The following TP53BP2 variants were observed in gnomAD, a reference collection of about 807,000 sequenced individuals.
TP53BP2 encodes tumor protein p53 binding protein 2.
TP53BP2 carries 62 observed loss-of-function variants against 126.2 expected under a neutral mutation model. That is an observed-to-expected ratio of 0.49 (90% confidence interval 0.40 to 0.61). The LOEUF (loss-of-function observed/expected upper bound fraction) is 0.61, where lower values mean the gene tolerates loss of function less well. Among genes scored for constraint, TP53BP2 ranks in the 20% least tolerant of loss-of-function variants. The probability of loss-of-function intolerance (pLI) is 0.00; values close to 1 mark genes in which losing one functional copy is unlikely to be tolerated. For missense variants in TP53BP2, 1,215 were observed against 1,402.8 expected (o/e 0.87, Z 2.14); for synonymous variants, 485 against 502.9 (o/e 0.96, Z 0.48).
At chr1:223,836,130 G>T (rs185157764) in intron 1 of TP53BP2, among the ~76,000 whole-genome samples, 1 of 152,164 alleles carries the variant, frequency 6.6e-6, no homozygotes, top group African/African-American at 2.4e-5. Context: ...ACAAAGAAGA[G>T]ATGGGTCAAT....
intron 4 of TP53BP2, among the ~76,000 whole-genome samples, chr1:223,807,438 G>A (rs1382956625): frequency 6.6e-6 from 1 of 152,002 alleles, no homozygotes; most frequent in Non-Finnish European, 1.5e-5. Flanking sequence ...ATTCAACATT[G>A]TCCTAGAGGT....
At chr1:223,839,179 G>A (rs1664022025) in intron 1 of TP53BP2, among the ~76,000 whole-genome samples, 1 of 152,202 alleles carries the variant, frequency 6.6e-6, no homozygotes, top group Non-Finnish European at 1.5e-5. Context: ...ATCTTGAACA[G>A]AGTATGTGTT....
Position 223,845,753 on chromosome 1 carries a change from A to T in TP53BP2, c.-73T>A. The T allele has an allele frequency of 7.1e-7, 1 of 1,408,928 alleles. No individual in the cohort carries two copies. Among genetic ancestry groups the T allele is most frequent in the South Asian group, 1.5e-5 (1 of 68,352 alleles). The allele number at this position is 1,408,928 out of a possible 1,614,324, so 87.3% of individuals were successfully genotyped here. Reference sequence around the variant, plus strand: ...GAGGGTCGCGGATGCGGGGGAGGGGAGCGGAGAGCGAGGCCGCCCGGACCT... The same window carrying T: ...GAGGGTCGCGGATGCGGGGGAGGGGTGCGGAGAGCGAGGCCGCCCGGACCT... On this transcript the variant is annotated 5_prime_UTR_variant, in exon 1 of 18. Transcript: ENST00000343537.
At chr1:223,845,554 C>A in intron 1 of TP53BP2, 100 bp downstream of exon 1, 1 of 1,317,208 alleles carries the variant, frequency 7.6e-7, no homozygotes. Context: ...GGCTGCGGCC[C>A]CCAGGCTCCT....
chr1:223,801,454 T>A (rs1044173088), intron 9 of TP53BP2, among the ~76,000 whole-genome samples: 1 of 152,210 alleles, frequency 6.6e-6, no homozygotes, highest in Non-Finnish European at 1.5e-5. Context: ...GGCTATTACT[T>A]CTTCTGTCCA....
intron 17 of TP53BP2, among the ~76,000 whole-genome samples, chr1:223,783,075 A>T (rs921361088): frequency 6.6e-6 from 1 of 152,214 alleles, no homozygotes; most frequent in African/African-American, 2.4e-5. Flanking sequence ...TAGGCAGTGG[A>T]TCACTCACAG....
chr1:223,801,655 T>C (rs547682851), intron 9 of TP53BP2, among the ~76,000 whole-genome samples: 2 of 152,232 alleles, frequency 1.3e-5, no homozygotes, highest in African/African-American at 4.8e-5. Flanking sequence ...ATATGTTTAA[T>C]GTTATTCTAA....
chr1:223,845,059 C>T (rs949437042), intron 1 of TP53BP2, among the ~76,000 whole-genome samples: 3 of 152,180 alleles, frequency 2.0e-5, no homozygotes, highest in Admixed American at 6.5e-5. Context: ...TAATCCTCTC[C>T]GGAGGTCTTG....
intron 4 of TP53BP2, among the ~76,000 whole-genome samples, chr1:223,809,027 G>A (rs1290162810): frequency 2.0e-5 from 3 of 151,964 alleles, no homozygotes; most frequent in East Asian, 1.9e-4. Flanking sequence ...TAATATGATC[G>A]CTTTGGAAAC....
At chr1:223,828,256 G>A (rs1663570039) in intron 1 of TP53BP2, among the ~76,000 whole-genome samples, 1 of 152,100 alleles carries the variant, frequency 6.6e-6, no homozygotes, top group African/African-American at 2.4e-5. Flanking sequence ...ATAAAACAGT[G>A]CTCACTGTAT....
intron 17 of TP53BP2, among the ~76,000 whole-genome samples, chr1:223,781,617 T>G: frequency 6.6e-6 from 1 of 152,156 alleles, no homozygotes; most frequent in Non-Finnish European, 1.5e-5. Flanking sequence ...AGGCTTTAAT[T>G]ACATCCCAAT....
rs772546026 is a variant in TP53BP2 at position 223,796,087 on chromosome 1, C to T, written c.2452G>A (p.Asp818Asn). 6.2e-7 allele frequency: 1 copy of T among 1,614,226 alleles called. No homozygotes were observed. The highest frequency in any genetic ancestry group is 1.1e-5 in the South Asian group (1 of 91,076). ...SLVPESLSPE[D>N]VGNASTENSD... ...TTCTCTGTACTGGCATTCCCCACAT[C>T]CTCTGGGGACAATGATTCAGGAACC... is the stretch of plus-strand genomic sequence containing the variant. Residue 818 changes from aspartate (D) to asparagine (N), a missense_variant, in exon 13 of 18, where the codon GAT becomes AAT. This residue lies in a region of TP53BP2 where 204 missense variants were observed against 225.7 expected (regional missense o/e 0.90). Transcript: ENST00000343537. The surrounding 1 kb of genome is among the most constrained non-coding windows in gnomAD (Gnocchi z 4.2).
intron 16 of TP53BP2, among the ~76,000 whole-genome samples, chr1:223,787,613 A>T (rs968056644): frequency 5.3e-5 from 8 of 152,092 alleles, no homozygotes; most frequent in Non-Finnish European, 5.9e-5. Flanking sequence ...ATGGTGGCTC[A>T]CACCTGTAAT....
At chr1:223,787,901 AATAG>A (rs1026301937) in intron 16 of TP53BP2, among the ~76,000 whole-genome samples, 1 of 151,488 alleles carries the variant, frequency 6.6e-6, no homozygotes. Context: ...TAAATAAATA[AATAG>A]ATAATAATTA....
At chr1:223,821,553 T>C (rs1424259423) in intron 1 of TP53BP2, 186 bp from the exon 2 acceptor site, 1 of 770,482 alleles carries the variant, frequency 1.3e-6, no homozygotes, top group African/African-American at 1.7e-5. Context: ...GCCCAGCCCC[T>C]ACCATGGGGC....
chr1:223,804,434 T>A lies in TP53BP2; in HGVS notation c.475-86A>T. ...ATAGCCTAACTGCAACACTTAGATG[T>A]TGAGATTGAGGTACACTTGTAACCC... On this transcript the variant is annotated intron_variant, in intron 5 of 17. Coordinates refer to ENST00000343537, the MANE Select transcript of TP53BP2 (RefSeq NM_001031685.3). The A allele has an allele frequency of 4.0e-6, 5 of 1,237,434 alleles. No homozygotes were observed. The East Asian group carries it at 1.2e-4, about 29-fold the overall frequency. The allele number at this position is 1,237,434 out of a possible 1,614,324, so 76.7% of individuals were successfully genotyped here. A position where few individuals can be genotyped will look rare whatever the true frequency, so the allele number is the denominator to read the frequency against.
intron 10 of TP53BP2, 27 bp from the exon 11 acceptor site, chr1:223,800,074 T>C: frequency 6.3e-7 from 1 of 1,582,624 alleles, no homozygotes; most frequent in Non-Finnish European, 8.6e-7. Context: ...CACAATGACA[T>C]TCAAACTGTT....
chr1:223,805,817 T>C (rs558502574), intron 5 of TP53BP2, among the ~76,000 whole-genome samples: 1 of 152,338 alleles, frequency 6.6e-6, no homozygotes, highest in African/African-American at 2.4e-5. Context: ...TAAAGTTTTA[T>C]TGGGACACAA....
At chr1:223,804,062 T>C (rs923826330) in intron 6 of TP53BP2, 112 bp downstream of exon 6, 2 of 1,128,700 alleles carry the variant, frequency 1.8e-6, no homozygotes, top group Non-Finnish European at 2.5e-6. Context: ...GGTGGGAGGA[T>C]CACTTGAGGC....
Sources: gnomAD v4.1 joint callset for allele counts (sites outside exome capture counted in the v4.1 genomes callset) on GRCh38, gnomAD v4.1.1 for gene constraint, gnomAD v4.1.1 regional missense constraint, Gnocchi (gnomAD v3.1) non-coding constraint, MANE v1.5 for transcripts, NCBI Gene and HGNC (gene_info 2026-07-23, HGNC 2026-07-21) for gene names.